The following KLHL32 variants were observed in gnomAD, a reference collection of about 807,000 sequenced individuals.
The protein encoded by KLHL32 is kelch like family member 32, also known as kelch-like protein 32.
KLHL32 carries 35 observed loss-of-function variants against 64.8 expected under a neutral mutation model. The ratio of observed to expected loss-of-function variants is 0.54; its 90% confidence interval spans 0.41 to 0.72. The LOEUF (loss-of-function observed/expected upper bound fraction) is 0.72, where lower values mean the gene tolerates loss of function less well. KLHL32 is among the 30% of genes least tolerant of loss of function. The pLI, the probability that KLHL32 is intolerant of heterozygous loss-of-function variation, is 0.00. For synonymous variants in KLHL32, 259 were observed against 281.0 expected, an observed-to-expected ratio of 0.92 and a Z score of 0.78; for missense variants, 589 against 768.5, an observed-to-expected ratio of 0.77 and a Z score of 2.76.
chr6:96,917,522 A>G, the KLHL32 span, among the ~76,000 whole-genome samples: 2 of 152,236 alleles, frequency 1.3e-5, no homozygotes, highest in Non-Finnish European at 2.9e-5. Flanking sequence ...ACAGAAAACA[A>G]CAGCTATGAC....
intron 3 of KLHL32, among the ~76,000 whole-genome samples, chr6:96,976,859 A>G (rs1327260664): frequency 3.3e-5 from 5 of 152,126 alleles, no homozygotes; most frequent in African/African-American, 4.8e-5. Context: ...TCGGCCTCCC[A>G]AAGTGCTGGG....
intron 6 of KLHL32, among the ~76,000 whole-genome samples, chr6:97,100,499 C>G (rs1379564198): frequency 2.0e-5 from 3 of 152,174 alleles, no homozygotes; most frequent in Non-Finnish European, 4.4e-5. Context: ...TTTATGGGTT[C>G]CCCCATGCCA....
upstream of KLHL32, among the ~76,000 whole-genome samples, chr6:96,919,921 C>T (rs1448703555): frequency 6.6e-6 from 1 of 152,194 alleles, no homozygotes; most frequent in Non-Finnish European, 1.5e-5. Context: ...AAACTTGCCT[C>T]AGTGGAGGGA....
chr6:96,973,131 AT>A (rs2128040823), intron 2 of KLHL32, among the ~76,000 whole-genome samples: 1 of 152,338 alleles, frequency 6.6e-6, no homozygotes, highest in South Asian at 2.1e-4. Flanking sequence ...TGTCTTAAAT[AT>A]TTAGCTTGTT....
chr6:97,071,393 T>C (rs1296171999), intron 5 of KLHL32, among the ~76,000 whole-genome samples: 3 of 152,178 alleles, frequency 2.0e-5, no homozygotes, highest in Non-Finnish European at 4.4e-5. Flanking sequence ...CTACTCATTT[T>C]CAATACCTTT....
At chr6:97,082,481 C>G (rs765804534) in intron 5 of KLHL32, among the ~76,000 whole-genome samples, 2 of 151,910 alleles carry the variant, frequency 1.3e-5, no homozygotes, top group African/African-American at 2.4e-5. Flanking sequence ...GGCATGGTGG[C>G]GGGCGCCTGT....
At chr6:96,969,645 T>C (rs1007020171) in intron 2 of KLHL32, among the ~76,000 whole-genome samples, 1 of 152,192 alleles carries the variant, frequency 6.6e-6, no homozygotes, top group African/African-American at 2.4e-5. Flanking sequence ...TCCCTGCCAC[T>C]CAAGAGGCAA....
At chr6:97,071,218 C>T (rs527382244) in intron 5 of KLHL32, among the ~76,000 whole-genome samples, 2 of 152,286 alleles carry the variant, frequency 1.3e-5, no homozygotes, top group African/African-American at 2.4e-5. Context: ...GTTCTGCCTT[C>T]ATTACTCCTC....
At chr6:96,980,184 G>A (rs1776149297) in intron 3 of KLHL32, among the ~76,000 whole-genome samples, 1 of 152,064 alleles carries the variant, frequency 6.6e-6, no homozygotes, top group Non-Finnish European at 1.5e-5. Context: ...CTCTGGCTAG[G>A]ACTTCCAGTA....
intron 6 of KLHL32, among the ~76,000 whole-genome samples, chr6:97,094,991 G>A (rs973973406): frequency 7.9e-5 from 12 of 152,198 alleles, no homozygotes; most frequent in African/African-American, 2.7e-4. Context: ...TTTAAAACAA[G>A]TGAGCATAAT....
intron 1 of KLHL32, among the ~76,000 whole-genome samples, chr6:96,954,995 T>C (rs979804244): frequency 1.3e-5 from 2 of 152,330 alleles, no homozygotes; most frequent in South Asian, 2.1e-4. Context: ...CCAGATTCAA[T>C]GTCTGGGGAA....
chr6:96,944,237 AT>A (rs1771676590), intron 1 of KLHL32, among the ~76,000 whole-genome samples: 1 of 152,244 alleles, frequency 6.6e-6, no homozygotes, highest in Non-Finnish European at 1.5e-5. Flanking sequence ...TGAGGCATGC[AT>A]GAATTCAAGG....
chr6:96,935,841 CTA>C (rs1770528614), intron 1 of KLHL32, among the ~76,000 whole-genome samples: 2 of 152,186 alleles, frequency 1.3e-5, no homozygotes, highest in Non-Finnish European at 2.9e-5. Flanking sequence ...ATTTAAATCT[CTA>C]TGCAATAATA....
At chr6:96,957,853 G>A (rs1424298521) in intron 1 of KLHL32, among the ~76,000 whole-genome samples, 1 of 152,188 alleles carries the variant, frequency 6.6e-6, no homozygotes, top group African/African-American at 2.4e-5. Context: ...ATTATTTAAT[G>A]TAACATTATT....
chr6:97,085,403 A>C (rs928741440), intron 6 of KLHL32, 62 bp downstream of exon 6: 2 of 1,407,444 alleles, frequency 1.4e-6, no homozygotes, highest in African/African-American at 1.4e-5. Flanking sequence ...TGGAAGTTAA[A>C]GGACTGAGGA....
At chr6:97,124,021 G>A (rs1256723296) in intron 7 of KLHL32, among the ~76,000 whole-genome samples, 2 of 152,206 alleles carry the variant, frequency 1.3e-5, no homozygotes, top group African/African-American at 4.8e-5. Flanking sequence ...TATGTGAAGG[G>A]AATGTAATGA....
chr6:97,047,794 A>T (rs1786162213), intron 4 of KLHL32, among the ~76,000 whole-genome samples: 1 of 152,162 alleles, frequency 6.6e-6, no homozygotes, highest in East Asian at 1.9e-4. Context: ...AAAACCAAAA[A>T]ACCCAGCCTG....
At position 97,125,047 on chromosome 6, in the gene KLHL32, C is replaced by G. The variant is rs913442460; in HGVS notation, c.1355-2357C>G. Among the ~76,000 whole-genome samples, 17 of 152,170 alleles carry G rather than the reference C, an allele frequency of 1.1e-4. No homozygotes were observed. In the South Asian group the frequency reaches 3.5e-3, roughly 31 times the overall value. ...TATTCAATGAGAAATCCAGAGAAGA[C>G]TTTCTTTGAGGGCAGGAGGCTCATG... On this transcript the variant is annotated intron_variant, in intron 7 of 10. Coordinates refer to ENST00000369261, the MANE Select transcript of KLHL32 (RefSeq NM_052904.4).
intron 1 of KLHL32, among the ~76,000 whole-genome samples, chr6:96,928,667 T>C (rs1290371172): frequency 6.6e-6 from 1 of 152,238 alleles, no homozygotes; most frequent in African/African-American, 2.4e-5. Context: ...ATGGCTGGTA[T>C]ATAATTTCCT....
Sources: gnomAD v4.1 joint callset for allele counts (sites outside exome capture counted in the v4.1 genomes callset) on GRCh38, gnomAD v4.1.1 for gene constraint, MANE v1.5 for transcripts, NCBI Gene and HGNC (gene_info 2026-07-23, HGNC 2026-07-21) for gene names.